The following DNAH8 variants were observed in gnomAD, a reference collection of about 807,000 sequenced individuals.
DNAH8 encodes dynein axonemal heavy chain 8, also known as axonemal beta dynein heavy chain 8.
DNAH8 carries 382 observed loss-of-function variants against 562.1 expected under a neutral mutation model. That is an observed-to-expected ratio of 0.68 (90% CI 0.63 to 0.74). The LOEUF is 0.74. Ranked by LOEUF, DNAH8 falls within the 30% of genes least tolerant of loss-of-function variation. DNAH8 has a pLI of 0.00. For missense variants in DNAH8, 5,203 were observed against 5,620.4 expected, an observed-to-expected ratio of 0.93 and a Z score of 2.37; for synonymous variants, 1,881 against 1,919.4, an observed-to-expected ratio of 0.98 and a Z score of 0.52.
At chr6:38,873,756 A>G (rs1777670421) in intron 52 of DNAH8, among the ~76,000 whole-genome samples, 1 of 88,600 alleles carries the variant, frequency 1.1e-5, no homozygotes, top group Non-Finnish European at 2.4e-5. Flanking sequence ...ACACACACAC[A>G]CACACACACA....
chr6:38,834,127 G>A (rs1774081871), intron 31 of DNAH8, among the ~76,000 whole-genome samples: 1 of 152,168 alleles, frequency 6.6e-6, no homozygotes. Flanking sequence ...AAAAGAGGAT[G>A]TTCTCAGAAC....
At chr6:38,768,540 C>T (rs1767244443) in intron 11 of DNAH8, among the ~76,000 whole-genome samples, 1 of 151,830 alleles carries the variant, frequency 6.6e-6, no homozygotes, top group Non-Finnish European at 1.5e-5. Context: ...GCTGGGATTA[C>T]AGGCATGAGC....
rs762091008 is a variant in DNAH8 at position 38,929,492 on chromosome 6, A to G, written c.11119-19A>G. On this transcript the variant is annotated intron_variant, in intron 74 of 92. Transcript: ENST00000327475. The stretch of plus-strand genomic sequence containing the variant: ...CATTCTTTGTAACACAGATAGACCA[A>G]TGAGTTCTTTCTGTTTAGGTGACAT... 2.3e-5 allele frequency: 37 copies of G among 1,601,248 alleles called. No individual in the cohort carries two copies. Among genetic ancestry groups the G allele is most frequent in the Middle Eastern group, 1.7e-4 (1 of 6,010 alleles).
intron 10 of DNAH8, among the ~76,000 whole-genome samples, chr6:38,757,351 CA>C (rs1766018918): frequency 6.6e-6 from 1 of 151,934 alleles, no homozygotes; most frequent in Middle Eastern, 3.2e-3. Context: ...ATCCTTTGCC[CA>C]CTTTTTGATG....
intron 31 of DNAH8, among the ~76,000 whole-genome samples, chr6:38,833,088 C>T (rs1583133853): frequency 6.6e-6 from 1 of 151,934 alleles, no homozygotes; most frequent in Non-Finnish European, 1.5e-5. Flanking sequence ...GGGTCAGTCC[C>T]GTATGCTACT....
intron 12 of DNAH8, among the ~76,000 whole-genome samples, chr6:38,775,485 A>G (rs1030743747): frequency 2.6e-5 from 4 of 152,184 alleles, no homozygotes; most frequent in Non-Finnish European, 5.9e-5. Flanking sequence ...GCTCCCCGCC[A>G]CCCTTGAAAG....
intron 62 of DNAH8, among the ~76,000 whole-genome samples, chr6:38,905,089 AGACT>A (rs1392315951): frequency 6.6e-6 from 1 of 152,164 alleles, no homozygotes; most frequent in African/African-American, 2.4e-5. Flanking sequence ...ATTAGTTCAG[AGACT>A]GGCCAGTCAG....
chr6:38,864,014 G>T lies in DNAH8; in HGVS notation c.6452G>T (p.Gly2151Val), dbSNP rs778212992. The T allele has an allele frequency of 1.9e-6, 3 of 1,608,938 alleles. No individual in the cohort carries two copies. Among genetic ancestry groups the T allele is most frequent in the South Asian group, 2.2e-5 (2 of 88,902 alleles). ...AAGAAACAGTTCATTTTTTCTGATG[G>T]TGATTGTGTTGATTTAAATCCAGAA... ...ERKKQFIFSD[G>V]DCVDLNPEFG... Residue 2151 changes from glycine (G) to valine (V), a missense_variant, in exon 45 of 93, where the codon GGT (glycine) becomes GTT (valine). This residue lies in a region of DNAH8 where 2,176 missense variants were observed against 2,365.1 expected (regional missense o/e 0.92). Coordinates refer to ENST00000327475, the MANE Select transcript of DNAH8 (RefSeq NM_001206927.2).
intron 31 of DNAH8, 72 bp downstream of exon 31, chr6:38,832,507 C>A: frequency 2.1e-6 from 2 of 950,526 alleles, no homozygotes; most frequent in East Asian, 2.5e-5. Context: ...AAGTGATGAA[C>A]CCTGAGGAAT....
intron 21 of DNAH8, among the ~76,000 whole-genome samples, chr6:38,797,532 T>G (rs1195062696): frequency 6.6e-6 from 1 of 152,166 alleles, no homozygotes; most frequent in Non-Finnish European, 1.5e-5. Flanking sequence ...CCCCTGAAAC[T>G]AAAAGGAATT....
intron 5 of DNAH8, among the ~76,000 whole-genome samples, chr6:38,736,527 A>G (rs1764102020): frequency 6.6e-6 from 1 of 152,098 alleles, no homozygotes; most frequent in Admixed American, 6.6e-5. Flanking sequence ...AAAACCAGAA[A>G]TCATTTTTTT....
At chr6:38,781,215 T>C in intron 15 of DNAH8, 39 bp from the exon 16 acceptor site, 1 of 1,611,462 alleles carries the variant, frequency 6.2e-7, no homozygotes, top group Non-Finnish European at 8.5e-7. Context: ...TTCTCCCTTG[T>C]ATTGAATTCA....
chr6:39,012,380 T>C lies in DNAH8; in HGVS notation c.13524+13T>C, dbSNP rs762386180. The C allele has an allele frequency of 1.2e-6, 2 of 1,610,020 alleles. No homozygotes were observed. The highest frequency in any genetic ancestry group is 1.7e-5 in the Admixed American group (1 of 59,792). ...CATTATGAGTGAGGTGAGCTGTTAT[T>C]ACATCAGTAGGCATTTCCTTCTTTG... On this transcript the variant is annotated intron_variant, in intron 90 of 92. Transcript: ENST00000327475.
intron 12 of DNAH8, among the ~76,000 whole-genome samples, chr6:38,772,512 A>G (rs1034081018): frequency 2.0e-5 from 3 of 152,144 alleles, no homozygotes; most frequent in African/African-American, 4.8e-5. Context: ...TTTAAAAAAC[A>G]TCTATTCAGA....
intron 11 of DNAH8, among the ~76,000 whole-genome samples, chr6:38,768,055 TG>T (rs1252782276): frequency 6.6e-6 from 1 of 152,190 alleles, no homozygotes; most frequent in Non-Finnish European, 1.5e-5. Context: ...TAGTGGCTAG[TG>T]ATGGCTGAGC....
chr6:38,920,574 A>G (rs1444701399), intron 70 of DNAH8, among the ~76,000 whole-genome samples: 3 of 152,200 alleles, frequency 2.0e-5, no homozygotes, highest in African/African-American at 4.8e-5. Context: ...ACAATCCTAA[A>G]TGTGTACATA....
chr6:38,827,496 C>G (rs1431202097), intron 29 of DNAH8, among the ~76,000 whole-genome samples: 3 of 151,982 alleles, frequency 2.0e-5, no homozygotes, highest in Non-Finnish European at 2.9e-5. Context: ...CCTACAATAT[C>G]TGGGGAATTG....
At chr6:38,983,902 A>G (rs1346158579) in intron 86 of DNAH8, among the ~76,000 whole-genome samples, 1 of 152,234 alleles carries the variant, frequency 6.6e-6, no homozygotes, top group African/African-American at 2.4e-5. Flanking sequence ...TGGCATTACT[A>G]CAATGAGTAT....
Position 38,873,332 on chromosome 6 carries a change from C to A in DNAH8, c.7576C>A (p.Leu2526Ile), listed in dbSNP as rs1253294161. 3 of 1,612,364 alleles carry A rather than the reference C, an allele frequency of 1.9e-6. No homozygotes were observed. The highest frequency in any genetic ancestry group is 3.4e-5 in the Admixed American group (2 of 59,604). The change falls in exon 52 of 93, where the codon CTC becomes ATC. Residue 2526 changes from leucine to isoleucine, a missense_variant. Physicochemically the swap from Leu to Ile is conservative, Grantham distance 5 (BLOSUM62 2). Coordinates refer to ENST00000327475, the MANE Select transcript of DNAH8 (RefSeq NM_001206927.2). The part of the protein sequence containing the change: ...EDTYTYMKLN[L>I]NPKMQLLECN... Reference sequence around the variant, plus strand: ...TACATACACATATATGAAGCTAAATCTCAATCCCAAAATGCAGCTCTTGGA... The same window carrying A: ...TACATACACATATATGAAGCTAAATATCAATCCCAAAATGCAGCTCTTGGA...
Sources: allele counts gnomAD v4.1 joint callset (sites outside exome capture counted in the v4.1 genomes callset), GRCh38; gene constraint gnomAD v4.1.1; regional missense constraint gnomAD v4.1.1; transcripts MANE v1.5; gene names NCBI Gene and HGNC (gene_info 2026-07-23, HGNC 2026-07-21).